The following IL17RA variants were observed in gnomAD, a reference collection of about 807,000 sequenced individuals.
IL17RA encodes interleukin-17 receptor A.
A neutral mutation model predicts 50.4 loss-of-function variants in IL17RA; 34 were observed. The observed-to-expected ratio is 0.67, with a 90% confidence interval of 0.51 to 0.90. The LOEUF is 0.90. IL17RA is among the 40% of genes least tolerant of loss of function. The probability of loss-of-function intolerance (pLI) is 0.00; values close to 1 mark genes in which losing one functional copy is unlikely to be tolerated. For missense variants in IL17RA, 1,276 were observed against 1,169.8 expected (o/e 1.09, Z -1.32); for synonymous variants, 585 against 510.4 (o/e 1.15, Z -1.97).
rs2061446302 is a variant in IL17RA, at chr22:17,112,251, T to C, written c.*2431T>C. 1 of 152,250 alleles carries C rather than the reference T, an allele frequency of 6.6e-6. No homozygotes were observed. 9.4% of individuals were successfully genotyped at this position (152,250 alleles called of 1,614,324 possible). A position where few individuals can be genotyped will look rare whatever the true frequency, so the allele number is the denominator to read the frequency against. On this transcript the variant is annotated 3_prime_UTR_variant, in exon 13 of 13. Coordinates refer to ENST00000319363, the MANE Select transcript of IL17RA (RefSeq NM_014339.7). ...AGTAAATGTCCTGATGGGCATTGCC[T>C]ACTATCTCCAGGGCAGCTGCCTTTG...
chr22:17,101,200 A>G (rs2061390059), intron 5 of IL17RA, among the ~76,000 whole-genome samples: 1 of 152,208 alleles, frequency 6.6e-6, no homozygotes, highest in African/African-American at 2.4e-5. Context: ...GTCCATAGCC[A>G]GCTATGTCAG....
In IL17RA at chr22:17,113,655, C is replaced by G. The variant is rs990785180; in HGVS notation, c.*3835C>G. On this transcript the variant is annotated 3_prime_UTR_variant, in exon 13 of 13. Coordinates refer to ENST00000319363, the MANE Select transcript of IL17RA (RefSeq NM_014339.7). ...TATGCAGGGCCCTCTTCTGCCTTAG[C>G]GCCCTGCCAGCTGGGACTCCAGCAA... The G allele has an allele frequency of 2.0e-5, 3 of 152,288 alleles. No homozygotes were observed. The allele number at this position is 152,288 out of a possible 1,614,324, so 9.4% of individuals were successfully genotyped here. A position where few individuals can be genotyped will look rare whatever the true frequency, so the allele number is the denominator to read the frequency against.
chr22:17,109,013 C>T lies in IL17RA; in HGVS notation c.1794C>T (p.Ala598=). ...ENLYSADDQD[A]PSLDEEVFEE... ...TCTACTCAGCAGATGACCAGGATGC[C>T]CCGTCCCTGGACGAAGAGGTGTTTG... The change falls in exon 13 of 13, where the codon GCC becomes GCT. Residue 598 remains alanine (A), a synonymous_variant. Transcript: ENST00000319363. 1.3e-6 allele frequency: 2 copies of T among 1,599,412 alleles called. No homozygotes were observed. Among genetic ancestry groups the T allele is most frequent in the South Asian group, 2.2e-5 (2 of 90,648 alleles).
chr22:17,107,993 G>A (rs1452529419), intron 12 of IL17RA, among the ~76,000 whole-genome samples: 1 of 152,210 alleles, frequency 6.6e-6, no homozygotes, highest in African/African-American at 2.4e-5. Flanking sequence ...AGTATTTTGT[G>A]AACAGAGGTC....
chr22:17,088,906 C>T (rs2061338127), intron 1 of IL17RA, among the ~76,000 whole-genome samples: 1 of 152,124 alleles, frequency 6.6e-6, no homozygotes, highest in Non-Finnish European at 1.5e-5. Flanking sequence ...AGCGATTCTC[C>T]TGCCTCAACC....
rs1445763801 is a variant in IL17RA at position 17,111,254 on chromosome 22, C to T, written c.*1434C>T. On this transcript the variant is annotated 3_prime_UTR_variant, in exon 13 of 13. Coordinates refer to ENST00000319363, the MANE Select transcript of IL17RA (RefSeq NM_014339.7). Reference sequence around the variant, plus strand: ...GGAAGAGAGAAATGTCGAGGTGAAACGTAAAAGCATCTGGCAGGAAGGTGA... The same window carrying T: ...GGAAGAGAGAAATGTCGAGGTGAAATGTAAAAGCATCTGGCAGGAAGGTGA... 4 of 152,198 alleles carry T rather than the reference C, an allele frequency of 2.6e-5. No individual in the cohort carries two copies. Among genetic ancestry groups the T allele is most frequent in the Admixed American group, 6.5e-5 (1 of 15,280 alleles). The allele number at this position is 152,198 out of a possible 1,614,324, so 9.4% of individuals were successfully genotyped here. A position where few individuals can be genotyped will look rare whatever the true frequency, so the allele number is the denominator to read the frequency against.
intron 1 of IL17RA, among the ~76,000 whole-genome samples, chr22:17,086,927 G>A (rs41452746): frequency 0.013 from 1,965 of 152,350 alleles, 43 homozygotes; most frequent in African/African-American, 0.045. Context: ...CGTGGCGTGG[G>A]AGCCAAGCTC....
rs2061427507 is a variant in IL17RA, at chr22:17,109,056, C to G, written c.1837C>G (p.Pro613Ala). 1 of 1,588,598 alleles carries G rather than the reference C, an allele frequency of 6.3e-7. No individual in the cohort carries two copies. The highest frequency in any genetic ancestry group is 1.3e-5 in the African/African-American group (1 of 74,966). The change falls in exon 13 of 13, where the codon CCG (proline) becomes GCG (alanine). Residue 613 changes from proline (P) to alanine (A), a missense_variant. Coordinates refer to ENST00000319363, the MANE Select transcript of IL17RA (RefSeq NM_014339.7). ...EEVFEEPLLP[P>A]GTGIVKRAPL... Reference sequence around the variant, plus strand: ...GGTGTTTGAGGAGCCACTGCTGCCTCCGGGAACCGGCATCGTGAAGCGGGC... The same window carrying G: ...GGTGTTTGAGGAGCCACTGCTGCCTGCGGGAACCGGCATCGTGAAGCGGGC...
At position 17,102,245 on chromosome 22, in the gene IL17RA, C is replaced by T. The variant is rs760741652; in HGVS notation, c.705C>T (p.Thr235=). 6.2e-7 allele frequency: 1 copy of T among 1,614,060 alleles called. No homozygotes were observed. ...NESTHYQILL[T]SFPHMENHSC... is the part of the protein sequence containing the mutation. Reference sequence around the variant, plus strand: ...CTACCCATTACCAGATCCTGCTGACCAGTTTTCCGCACATGGAGAACCACA... The same window carrying T: ...CTACCCATTACCAGATCCTGCTGACTAGTTTTCCGCACATGGAGAACCACA... The change falls in exon 7 of 13, where the codon ACC becomes ACT. Residue 235 remains threonine (T), a synonymous_variant. Coordinates refer to ENST00000319363, the MANE Select transcript of IL17RA (RefSeq NM_014339.7).
chr22:17,085,611 GC>G, intron 1 of IL17RA, among the ~76,000 whole-genome samples: 1 of 152,130 alleles, frequency 6.6e-6, no homozygotes, highest in East Asian at 1.9e-4. Flanking sequence ...TGGAGAAGGG[GC>G]CCGGGGAGGA....
At chr22:17,099,589 C>G (rs1184276886) in intron 4 of IL17RA, among the ~76,000 whole-genome samples, 3 of 151,994 alleles carry the variant, frequency 2.0e-5, no homozygotes, top group Non-Finnish European at 4.4e-5. Flanking sequence ...TTTAAATCTG[C>G]AAATGGTCAC....
chr22:17,108,357 G>T lies in IL17RA; in HGVS notation c.1138G>T (p.Val380Phe). 2 of 1,614,158 alleles carry T rather than the reference G, an allele frequency of 1.2e-6. No homozygotes were observed. The highest frequency in any genetic ancestry group is 1.3e-5 in the African/African-American group (1 of 75,052). Residue 380 changes from valine (V) to phenylalanine (F), a missense_variant, in exon 13 of 13, where the codon GTC becomes TTC. By Grantham distance (50) the Val-to-Phe change is conservative. Coordinates refer to ENST00000319363, the MANE Select transcript of IL17RA (RefSeq NM_014339.7). ...CCCCCCACCGCTGAAGCCCAGGAAG[G>T]TCTGGATCATCTACTCAGCCGACCA... ...LIPPPLKPRK[V>F]WIIYSADHPL...
chr22:17,106,786 T>C (rs2061416700), intron 11 of IL17RA, among the ~76,000 whole-genome samples: 1 of 152,048 alleles, frequency 6.6e-6, no homozygotes, highest in East Asian at 1.9e-4. Flanking sequence ...CTATGGGAGG[T>C]TCCAATAACA....
chr22:17,097,015 A>T (rs896045389), intron 1 of IL17RA, 47 bp from the exon 2 acceptor site: 15 of 1,589,120 alleles, frequency 9.4e-6, no homozygotes, highest in Non-Finnish European at 1.3e-5. Context: ...TGGCATGTGA[A>T]TTCAAGCCTT....
rs763967134 is a variant in IL17RA, at chr22:17,100,359, G to A, written c.428G>A (p.Arg143His). ...SKLRHHHRRW[R>H]FTFSHFVVDP... The stretch of plus-strand genomic sequence containing the variant: ...CCCTTCCTCCCTTCTCTTCAGTGGC[G>A]TTTTACCTTCAGCCACTTTGTGGTT... Residue 143 changes from arginine (R) to histidine (H), a missense_variant, in exon 5 of 13, where the codon CGT (arginine) becomes CAT (histidine). Physicochemically the swap from Arg to His is conservative, Grantham distance 29 (BLOSUM62 0). Coordinates refer to ENST00000319363, the MANE Select transcript of IL17RA (RefSeq NM_014339.7). The A allele has an allele frequency of 1.9e-5, 30 of 1,613,950 alleles. No individual in the cohort carries two copies. Among genetic ancestry groups the A allele is most frequent in the Middle Eastern group, 1.6e-4 (1 of 6,084 alleles).
chr22:17,086,806 C>T (rs1008835828), intron 1 of IL17RA, among the ~76,000 whole-genome samples: 14 of 152,182 alleles, frequency 9.2e-5, no homozygotes, highest in Non-Finnish European at 7.3e-5. Flanking sequence ...TGGAAAGGGC[C>T]TGAGCCAAGG....
chr22:17,100,985 A>G (rs2061389145), intron 5 of IL17RA, among the ~76,000 whole-genome samples: 1 of 152,148 alleles, frequency 6.6e-6, no homozygotes, highest in African/African-American at 2.4e-5. Flanking sequence ...CTTCTCAGGC[A>G]TCCTTTGATG....
At chr22:17,089,773 C>T (rs770752606) in intron 1 of IL17RA, among the ~76,000 whole-genome samples, 2 of 151,778 alleles carry the variant, frequency 1.3e-5, no homozygotes, top group Non-Finnish European at 2.9e-5. Context: ...CTGAGGAGGC[C>T]GAAGTGGGAG....
intron 5 of IL17RA, among the ~76,000 whole-genome samples, chr22:17,101,351 CTGCACACACGCG>C (rs1387297950): frequency 6.6e-6 from 1 of 152,224 alleles, no homozygotes; most frequent in African/African-American, 2.4e-5. Context: ...TGGGACCACC[CTGCACACACGCG>C]TGCACACACA....
Sources: gnomAD v4.1 joint callset for allele counts (sites outside exome capture counted in the v4.1 genomes callset) on GRCh38, gnomAD v4.1.1 for gene constraint, MANE v1.5 for transcripts, NCBI Gene and HGNC (gene_info 2026-07-23, HGNC 2026-07-21) for gene names.